The following CNTN4 variants were observed in gnomAD, a reference collection of about 807,000 sequenced individuals.
CNTN4 encodes contactin 4, also known as contactin-4.
Under a neutral mutation model 122.5 loss-of-function variants are expected in CNTN4, and 77 were observed. The observed-to-expected ratio is 0.63, with a 90% CI of 0.52 to 0.76. CNTN4 has a LOEUF of 0.76. Among genes scored for constraint, CNTN4 ranks in the 30% least tolerant of loss-of-function variants. The pLI is 0.00. For missense variants in CNTN4, 1,256 were observed against 1,259.1 expected (o/e 1.00, Z 0.04); for synonymous variants, 512 against 447.0 (o/e 1.15, Z -1.83).
chr3:2,762,928 G>A (rs1055730557), intron 6 of CNTN4, among the ~76,000 whole-genome samples: 4 of 144,718 alleles, frequency 2.8e-5, no homozygotes, highest in Non-Finnish European at 6.0e-5. Context: ...AATGATCAGT[G>A]ATGTCAAGCT....
At chr3:2,776,020 C>T (rs987280383) in intron 6 of CNTN4, among the ~76,000 whole-genome samples, 1 of 152,158 alleles carries the variant, frequency 6.6e-6, no homozygotes, top group African/African-American at 2.4e-5. Context: ...TATGTCATAG[C>T]ATATTTATTG....
At chr3:2,977,836 A>C (rs946772448) in intron 13 of CNTN4, among the ~76,000 whole-genome samples, 3 of 152,214 alleles carry the variant, frequency 2.0e-5, no homozygotes, top group African/African-American at 7.2e-5. Flanking sequence ...ATGAGATCAT[A>C]CTGGATTGCA....
At chr3:2,436,073 T>G (rs1031852773) in intron 3 of CNTN4, among the ~76,000 whole-genome samples, 7 of 152,184 alleles carry the variant, frequency 4.6e-5, no homozygotes, top group African/African-American at 1.7e-4. Flanking sequence ...TGAATTGAAT[T>G]GAATTGCTTT....
intron 2 of CNTN4, among the ~76,000 whole-genome samples, chr3:2,245,775 T>TTA: frequency 6.6e-6 from 1 of 152,150 alleles, no homozygotes; most frequent in South Asian, 2.1e-4. Flanking sequence ...TTATGAAAAA[T>TTA]TATATACCTT....
intron 7 of CNTN4, among the ~76,000 whole-genome samples, chr3:2,851,458 T>G (rs1217768153): frequency 6.6e-6 from 1 of 152,198 alleles, no homozygotes; most frequent in African/African-American, 2.4e-5. Flanking sequence ...TAAAACTCCT[T>G]TTTCCTCTGA....
At chr3:2,371,404 C>T (rs554901768) in intron 3 of CNTN4, among the ~76,000 whole-genome samples, 2 of 152,304 alleles carry the variant, frequency 1.3e-5, no homozygotes, top group South Asian at 4.1e-4. Context: ...ACCCCAACCC[C>T]AATGCTCTGG....
chr3:2,907,198 A>C (rs17022217), intron 12 of CNTN4, among the ~76,000 whole-genome samples: 11,263 of 152,270 alleles, frequency 0.074, 467 homozygotes, highest in Middle Eastern at 0.14. Context: ...CAAATAACTA[A>C]ATTGTCATTA....
intron 3 of CNTN4, among the ~76,000 whole-genome samples, chr3:2,472,323 T>C (rs7639851): frequency 0.7 from 107,005 of 151,968 alleles, 38,699 homozygotes; most frequent in African/African-American, 0.88. Context: ...TCACTGCAAC[T>C]TCCACCTCCC....
At chr3:2,803,776 G>T (rs974656112) in intron 6 of CNTN4, among the ~76,000 whole-genome samples, 1 of 151,942 alleles carries the variant, frequency 6.6e-6, no homozygotes, top group Non-Finnish European at 1.5e-5. Flanking sequence ...GGCCAGGTTG[G>T]TCTCGAACTC....
intron 2 of CNTN4, among the ~76,000 whole-genome samples, chr3:2,282,125 T>C (rs940741221): frequency 1.3e-5 from 2 of 152,186 alleles, no homozygotes; most frequent in African/African-American, 4.8e-5. Flanking sequence ...TAGGAGGTCA[T>C]TGATATAAAA....
chr3:2,909,411 A>G (rs1314079707), intron 12 of CNTN4, among the ~76,000 whole-genome samples: 2 of 152,150 alleles, frequency 1.3e-5, no homozygotes, highest in Non-Finnish European at 2.9e-5. Context: ...ATAACAATAT[A>G]AGAAGGTTTG....
chr3:2,643,280 T>G (rs1330200258), intron 4 of CNTN4, among the ~76,000 whole-genome samples: 1 of 152,132 alleles, frequency 6.6e-6, no homozygotes, highest in Non-Finnish European at 1.5e-5. Flanking sequence ...TTCAAGCAAT[T>G]TTCATGCCTC....
rs530048411 is a variant in CNTN4 at position 2,739,230 on chromosome 3, G to T, written c.182+2889G>T. Among the ~76,000 whole-genome samples the T allele has an allele frequency of 7.2e-5, 11 of 151,920 alleles. No homozygotes were observed. The South Asian group carries it at 2.1e-3, about 29-fold the overall frequency. On this transcript the variant is annotated intron_variant, in intron 5 of 24. Coordinates refer to ENST00000418658, the MANE Select transcript of CNTN4 (RefSeq NM_175607.3). ...ACCAGATTGACAAATTTAGAAAACT[G>T]ACAATCTGTTGGTGAAGATGAAGAG...
intron 4 of CNTN4, among the ~76,000 whole-genome samples, chr3:2,688,071 C>G (rs2085528900): frequency 6.6e-6 from 1 of 152,038 alleles, no homozygotes; most frequent in Admixed American, 6.6e-5. Context: ...ATCAAAACAA[C>G]AACAACAAAA....
intron 6 of CNTN4, among the ~76,000 whole-genome samples, chr3:2,785,895 G>GCCCTCC (rs1553639492): frequency 1.2e-5 from 1 of 81,668 alleles, no homozygotes. Flanking sequence ...GGCCCACGCT[G>GCCCTCC]CCCCCCCCCG....
chr3:2,981,177 G>A (rs899117215), intron 13 of CNTN4, among the ~76,000 whole-genome samples: 3 of 152,220 alleles, frequency 2.0e-5, no homozygotes, highest in African/African-American at 4.8e-5. Flanking sequence ...GGGCGCGGTG[G>A]CTCACGCCTG....
rs2044516364 is a variant in CNTN4 at position 2,349,241 on chromosome 3, TA to T, written c.-89+10009del. On this transcript the variant is annotated intron_variant, in intron 3 of 24. Transcript: ENST00000418658. ...AATATTAACAAAGTGCTTGTTGACGTATTTTTTTTTTCACATGACCTTCTGA... is the reference window on the plus strand; with the variant it reads ...AATATTAACAAAGTGCTTGTTGACGTTTTTTTTTTTCACATGACCTTCTGA... Among the ~76,000 whole-genome samples the T allele has an allele frequency of 2.0e-5, 3 of 148,302 alleles. No homozygotes were observed. In the South Asian group the frequency reaches 6.4e-4, roughly 32 times the overall value.
chr3:3,023,433 A>C (rs190498526), intron 14 of CNTN4, among the ~76,000 whole-genome samples: 79 of 152,280 alleles, frequency 5.2e-4, no homozygotes, highest in Admixed American at 2.8e-3. Flanking sequence ...CAATAATAAA[A>C]ATCTGTCCCA....
At chr3:2,450,697 AG>A (rs1438608283) in intron 3 of CNTN4, among the ~76,000 whole-genome samples, 1 of 152,210 alleles carries the variant, frequency 6.6e-6, no homozygotes, top group Non-Finnish European at 1.5e-5. Flanking sequence ...CTCCCAATAC[AG>A]GCTCCTTGCT....
Sources: gnomAD v4.1 joint callset for allele counts (sites outside exome capture counted in the v4.1 genomes callset) on GRCh38, gnomAD v4.1.1 for gene constraint, MANE v1.5 for transcripts, NCBI Gene and HGNC (gene_info 2026-07-23, HGNC 2026-07-21) for gene names.